The following C18orf63 variants were observed in gnomAD, a reference collection of about 807,000 sequenced individuals.
The protein encoded by C18orf63 is chromosome 18 open reading frame 63.
A neutral mutation model predicts 75.3 loss-of-function variants in C18orf63; 50 were observed. That is an observed-to-expected ratio of 0.66 (90% CI 0.53 to 0.84). The LOEUF (loss-of-function observed/expected upper bound fraction) is 0.84. Among genes scored for constraint, C18orf63 ranks in the 40% least tolerant of loss-of-function variants. The probability of loss-of-function intolerance (pLI) is 0.00; values close to 1 mark genes in which losing one functional copy is unlikely to be tolerated. For missense variants in C18orf63, 732 were observed against 800.2 expected, an observed-to-expected ratio of 0.91 and a Z score of 1.03; for synonymous variants, 232 against 267.6, an observed-to-expected ratio of 0.87 and a Z score of 1.30.
At chr18:74,321,234 C>G (rs1169861314) in intron 3 of C18orf63, among the ~76,000 whole-genome samples, 3 of 151,944 alleles carry the variant, frequency 2.0e-5, no homozygotes, top group African/African-American at 4.8e-5. Context: ...AAGTTTAGTT[C>G]TTTTATTTTT....
At chr18:74,332,430 C>T (rs1455539704) in intron 7 of C18orf63, among the ~76,000 whole-genome samples, 2 of 152,170 alleles carry the variant, frequency 1.3e-5, no homozygotes, top group Non-Finnish European at 2.9e-5. Flanking sequence ...ATTGGCTCAG[C>T]ACGGTGGCTC....
chr18:74,317,766 G>A, intron 1 of C18orf63, 68 bp from the exon 2 acceptor site: 1 of 874,422 alleles, frequency 1.1e-6, no homozygotes, highest in Non-Finnish European at 1.6e-6. Context: ...AATATTGTGT[G>A]CTGACTTGGT....
chr18:74,331,789 C>G (rs943069964), intron 7 of C18orf63, among the ~76,000 whole-genome samples: 1 of 152,108 alleles, frequency 6.6e-6, no homozygotes. Context: ...CTATACGTGT[C>G]CTGCTCATCA....
chr18:74,325,414 A>T (rs1475278834), intron 4 of C18orf63, among the ~76,000 whole-genome samples: 1 of 152,198 alleles, frequency 6.6e-6, no homozygotes, highest in Non-Finnish European at 1.5e-5. Flanking sequence ...GAATCTTTTT[A>T]AATTAATTGA....
chr18:74,322,622 T>G (rs1984142506), intron 3 of C18orf63, 76 bp from the exon 4 acceptor site: 1 of 462,898 alleles, frequency 2.2e-6, no homozygotes, highest in African/African-American at 2.0e-5. Flanking sequence ...AGAATAATGC[T>G]TAAAATCTTT....
In C18orf63 at chr18:74,353,631, G is replaced by C; in HGVS notation, c.1364G>C (p.Ser455Thr). The C allele has an allele frequency of 6.5e-7, 1 of 1,536,134 alleles. No individual in the cohort carries two copies. Among genetic ancestry groups the C allele is most frequent in the South Asian group, 1.2e-5 (1 of 84,056 alleles). The change falls in exon 12 of 14, where the codon AGC becomes ACC. Residue 455 changes from serine to threonine, a missense_variant. Transcript: ENST00000579455. The part of the protein sequence containing the change: ...QMNKNTSVLG[S>T]PKRKQHDVTQ... ...AACAAAAATACCTCAGTACTTGGCA[G>C]CCCAAAAAGAAAACAGCATGATGTG...
rs544691200 is a variant in C18orf63, at chr18:74,356,730, C to T, written c.*283C>T. 1 of 152,170 alleles carries T rather than the reference C, an allele frequency of 6.6e-6. No homozygotes were observed. Among genetic ancestry groups the T allele is most frequent in the Non-Finnish European group, 1.5e-5 (1 of 68,042 alleles). The allele number at this position is 152,170 out of a possible 1,614,324, so 9.4% of individuals were successfully genotyped here. ...TAGTCTGCAGATCTTTGCAAAATATCCAATGATCTTATACAGTAGTTTTGA... is the reference window on the plus strand; with the variant it reads ...TAGTCTGCAGATCTTTGCAAAATATTCAATGATCTTATACAGTAGTTTTGA... On this transcript the variant is annotated 3_prime_UTR_variant, in exon 14 of 14. Transcript: ENST00000579455.
chr18:74,354,276 A>C lies in C18orf63; in HGVS notation c.2001+8A>C. 1.3e-6 allele frequency: 2 copies of C among 1,498,772 alleles called. No individual in the cohort carries two copies. The highest frequency in any genetic ancestry group is 1.8e-6 in the Non-Finnish European group (2 of 1,134,366). 92.8% of individuals were successfully genotyped at this position (1,498,772 alleles called of 1,614,324 possible). A position where few individuals can be genotyped will look rare whatever the true frequency, so the allele number is the denominator to read the frequency against. On this transcript the variant is annotated splice_region_variant and intron_variant, in intron 12 of 13. Coordinates refer to ENST00000579455, the MANE Select transcript of C18orf63 (RefSeq NM_001174123.2). ...AGTTCTTCTAAGAAGCAGGTAAAAA[A>C]AAAATTAATCTGGCACTACTTATCA...
At chr18:74,350,217 TAC>T (rs1984643788) in intron 11 of C18orf63, among the ~76,000 whole-genome samples, 1 of 152,146 alleles carries the variant, frequency 6.6e-6, no homozygotes, top group African/African-American at 2.4e-5. Context: ...AGCTCCCTTG[TAC>T]AGGGAGTCTT....
At chr18:74,339,299 C>G (rs905911777) in intron 8 of C18orf63, among the ~76,000 whole-genome samples, 2 of 152,020 alleles carry the variant, frequency 1.3e-5, no homozygotes, top group African/African-American at 4.8e-5. Flanking sequence ...ATAATTCAAT[C>G]ATTGAAGCTG....
intron 6 of C18orf63, among the ~76,000 whole-genome samples, chr18:74,329,307 G>A (rs562033446): frequency 1.8e-4 from 26 of 147,810 alleles, no homozygotes; most frequent in African/African-American, 6.0e-4. Context: ...ACAGGAGGTT[G>A]AGGCTGCAGT....
chr18:74,317,851 CTCAG>C lies in C18orf63; in HGVS notation c.-10_-7del, dbSNP rs2145112375. ...TTTTAAAGGCCTGATTGCTGAGACA[CTCAG>C]TCAGGAAAGTATGAATGATTCTAGG... is the stretch of plus-strand genomic sequence containing the variant. On this transcript the variant is annotated 5_prime_UTR_variant, in exon 2 of 14. Transcript: ENST00000579455. The C allele has an allele frequency of 5.3e-6, 8 of 1,515,956 alleles. No homozygotes were observed. Among genetic ancestry groups the C allele is most frequent in the Middle Eastern group, 1.7e-4 (1 of 5,896 alleles). 93.9% of individuals were successfully genotyped at this position (1,515,956 alleles called of 1,614,324 possible). A position where few individuals can be genotyped will look rare whatever the true frequency, so the allele number is the denominator to read the frequency against.
intron 8 of C18orf63, among the ~76,000 whole-genome samples, chr18:74,341,686 C>CA (rs1327616896): frequency 6.7e-6 from 1 of 149,690 alleles, no homozygotes; most frequent in Non-Finnish European, 1.5e-5. Context: ...GACACTGTCT[C>CA]AAAAAATAAA....
At chr18:74,323,856 G>T (rs1984165016) in intron 4 of C18orf63, among the ~76,000 whole-genome samples, 1 of 152,104 alleles carries the variant, frequency 6.6e-6, no homozygotes, top group Admixed American at 6.5e-5. Context: ...GATACTCCAG[G>T]TTCCTGCCAC....
intron 13 of C18orf63, among the ~76,000 whole-genome samples, chr18:74,356,080 T>A (rs9807598): frequency 0.52 from 79,386 of 152,020 alleles, 21,266 homozygotes; most frequent in Middle Eastern, 0.6. Flanking sequence ...ATTAAATTTT[T>A]AAAATAATTT....
chr18:74,346,431 T>C (rs1325999101), intron 11 of C18orf63, among the ~76,000 whole-genome samples: 2 of 152,144 alleles, frequency 1.3e-5, no homozygotes, highest in African/African-American at 4.8e-5. Flanking sequence ...CTCCTCCTAC[T>C]GTTAGTTAGA....
At chr18:74,350,337 C>G (rs905686106) in intron 11 of C18orf63, among the ~76,000 whole-genome samples, 6 of 152,162 alleles carry the variant, frequency 3.9e-5, no homozygotes, top group African/African-American at 1.4e-4. Flanking sequence ...ATCCTAACCC[C>G]CAGTTCCTTA....
rs552299306 is a variant in C18orf63, at chr18:74,317,953, A to G, written c.88A>G (p.Lys30Glu). The G allele has an allele frequency of 3.7e-5, 57 of 1,532,556 alleles. No homozygotes were observed. In the South Asian group the frequency reaches 5.9e-4, roughly 16 times the overall value. The allele number at this position is 1,532,556 out of a possible 1,614,324, so 94.9% of individuals were successfully genotyped here. ...LCAVRIILSN[K>E]VADTEIRTIQ... ...TGCTGTCAGAATAATACTGAGTAAT[A>G]AGGTGGCAGATACTGAGATTAGGAC... Residue 30 changes from lysine (K) to glutamate (E), a missense_variant, in exon 2 of 14, where the codon AAG (lysine) becomes GAG (glutamate). Coordinates refer to ENST00000579455, the MANE Select transcript of C18orf63 (RefSeq NM_001174123.2).
At position 74,317,771 on chromosome 18, in the gene C18orf63, CTTGGTA is replaced by C. The variant is rs1984050283; in HGVS notation, c.-32-58_-32-53del. ...AACAATATCAAATATTGTGTGCTGA[CTTGGTA>C]TTGGAACTCTATTGGTAAGATAATT... On this transcript the variant is annotated intron_variant, in intron 1 of 13. Transcript: ENST00000579455. 2.8e-5 allele frequency: 26 copies of C among 916,656 alleles called. No homozygotes were observed. The South Asian group carries it at 7.6e-4, about 27-fold the overall frequency. The allele number at this position is 916,656 out of a possible 1,614,324, so 56.8% of individuals were successfully genotyped here.
Sources: allele counts gnomAD v4.1 joint callset (sites outside exome capture counted in the v4.1 genomes callset), GRCh38; gene constraint gnomAD v4.1.1; transcripts MANE v1.5; gene names NCBI Gene and HGNC (gene_info 2026-07-23, HGNC 2026-07-21).